Variants in LCP1 observed in about 807,000 individuals in gnomAD.
LCP1 encodes lymphocyte cytosolic protein 1, also known as plastin-2.
Under a neutral mutation model 72.0 loss-of-function variants are expected in LCP1, and 23 were observed. That is an observed-to-expected ratio of 0.32 (90% confidence interval 0.23 to 0.45). LCP1 has a LOEUF of 0.45. Ranked by LOEUF, LCP1 falls within the 20% of genes least tolerant of loss-of-function variation. The pLI is 1.00. For missense variants in LCP1, 571 were observed against 748.3 expected, an observed-to-expected ratio of 0.76 and a Z score of 2.76; for synonymous variants, 245 against 275.4, an observed-to-expected ratio of 0.89 and a Z score of 1.09.
chr13:46,132,827 T>C (rs1267587150), intron 14 of LCP1, among the ~76,000 whole-genome samples: 1 of 152,170 alleles, frequency 6.6e-6, no homozygotes. Flanking sequence ...GCCCTGACAA[T>C]ATCTTCTGCT....
At chr13:46,176,404 T>C (rs1008966488) in intron 1 of LCP1, among the ~76,000 whole-genome samples, 3 of 152,236 alleles carry the variant, frequency 2.0e-5, no homozygotes, top group Non-Finnish European at 4.4e-5. Flanking sequence ...CACACATCTA[T>C]TATAATCTCA....
chr13:46,154,919 G>A (rs2045791409), intron 5 of LCP1, 33 bp from the exon 6 acceptor site: 1 of 1,547,910 alleles, frequency 6.5e-7, no homozygotes, highest in East Asian at 2.2e-5. Context: ...AAAGAAAGCA[G>A]TCTTCTGAAT....
chr13:46,138,300 A>G (rs975533354), intron 13 of LCP1, among the ~76,000 whole-genome samples: 6 of 152,250 alleles, frequency 3.9e-5, no homozygotes, highest in African/African-American at 1.4e-4. Context: ...AATAAATTCC[A>G]GCTAGAACCA....
rs1365313028 is a variant in LCP1, at chr13:46,129,164, T to C, written c.1752-1441A>G. ...AAAATCACACACAATCTTGCCACCA[T>C]GACATAACCATTCTTCGCATTTTGT... On this transcript the variant is annotated intron_variant, in intron 15 of 15. Coordinates refer to ENST00000323076, the MANE Select transcript of LCP1 (RefSeq NM_002298.5). Among the ~76,000 whole-genome samples the C allele has an allele frequency of 3.9e-5, 6 of 152,214 alleles. No homozygotes were observed. The East Asian group carries it at 1.2e-3, about 29-fold the overall frequency.
chr13:46,135,468 C>T (rs1330592521), intron 13 of LCP1, among the ~76,000 whole-genome samples: 2 of 152,226 alleles, frequency 1.3e-5, no homozygotes, highest in African/African-American at 2.4e-5. Context: ...CTCCTATGGA[C>T]AGTACAGTTC....
At chr13:46,171,919 A>C (rs993269559) in intron 1 of LCP1, among the ~76,000 whole-genome samples, 1 of 152,266 alleles carries the variant, frequency 6.6e-6, no homozygotes, top group Non-Finnish European at 1.5e-5. Context: ...TATTCGCAGA[A>C]TGCGAAACTC....
chr13:46,175,626 A>T (rs1251388463), intron 1 of LCP1, among the ~76,000 whole-genome samples: 1 of 152,136 alleles, frequency 6.6e-6, no homozygotes, highest in Non-Finnish European at 1.5e-5. Context: ...ATGAAGTATC[A>T]CAACTGTCAT....
intron 13 of LCP1, among the ~76,000 whole-genome samples, chr13:46,137,634 T>C (rs143368476): frequency 2.4e-4 from 37 of 152,354 alleles, no homozygotes; most frequent in African/African-American, 8.2e-4. Flanking sequence ...AAAACTAATT[T>C]GGCCTGTGTC....
chr13:46,174,110 A>G (rs1010864581), intron 1 of LCP1, among the ~76,000 whole-genome samples: 2 of 152,252 alleles, frequency 1.3e-5, no homozygotes, highest in Non-Finnish European at 2.9e-5. Flanking sequence ...GACAATGTAC[A>G]GCAGACATTT....
At chr13:46,170,208 C>A (rs1459170494) in intron 1 of LCP1, among the ~76,000 whole-genome samples, 1 of 152,202 alleles carries the variant, frequency 6.6e-6, no homozygotes, top group Non-Finnish European at 1.5e-5. Context: ...GGTACAGACA[C>A]CCAAAACAAG....
In LCP1 at chr13:46,127,706, G is replaced by A; in HGVS notation, c.1769C>T (p.Ala590Val). The A allele has an allele frequency of 6.2e-7, 1 of 1,614,128 alleles. No individual in the cohort carries two copies. The highest frequency in any genetic ancestry group is 1.3e-5 in the African/African-American group (1 of 75,010). Residue 590 changes from alanine (A) to valine (V), a missense_variant, in exon 16 of 16, where the codon GCC becomes GTC. Physicochemically the swap from Ala to Val is moderately conservative, Grantham distance 64. Coordinates refer to ENST00000323076, the MANE Select transcript of LCP1 (RefSeq NM_002298.5). ...LNNAKYAISMARKIGARVYAL... is the reference protein window; with the variant it reads ...LNNAKYAISMVRKIGARVYAL... ...ATACACTCTTGCTCCAATTTTTCGG[G>A]CCATAGAGATGGCATATCTAAAAGG... is the stretch of plus-strand genomic sequence containing the variant.
At chr13:46,154,185 T>C (rs948967040) in intron 6 of LCP1, among the ~76,000 whole-genome samples, 4 of 152,258 alleles carry the variant, frequency 2.6e-5, no homozygotes, top group African/African-American at 9.6e-5. Context: ...CTCAATTTGG[T>C]TACCATTTCC....
chr13:46,181,729 T>C (rs1191219548), intron 1 of LCP1, among the ~76,000 whole-genome samples: 2 of 152,192 alleles, frequency 1.3e-5, no homozygotes, highest in Non-Finnish European at 2.9e-5. Flanking sequence ...ACAATCTAAA[T>C]TATCAATACG....
rs1184938732 is a variant in LCP1 at position 46,148,350 on chromosome 13, A to G, written c.978+2T>C. The G allele has an allele frequency of 6.2e-7, 1 of 1,609,346 alleles. No homozygotes were observed. The highest frequency in any genetic ancestry group is 8.5e-7 in the Non-Finnish European group (1 of 1,176,254). On this transcript the variant is annotated splice_donor_variant, in intron 9 of 15. Transcript: ENST00000323076. LOFTEE classifies it high-confidence loss of function. ...CCAAACACAACTGGGACCTGGCCTT[A>G]CCCGCAGTCCTGACATGTCAATAAC... is the stretch of plus-strand genomic sequence containing the variant.
At chr13:46,149,130 T>C (rs1030698511) in intron 8 of LCP1, among the ~76,000 whole-genome samples, 2 of 152,224 alleles carry the variant, frequency 1.3e-5, no homozygotes, top group Non-Finnish European at 2.9e-5. Context: ...AATTTATTCT[T>C]AGTCAATGAA....
chr13:46,129,542 T>C (rs2045621287), intron 15 of LCP1, among the ~76,000 whole-genome samples: 1 of 152,218 alleles, frequency 6.6e-6, no homozygotes, highest in Non-Finnish European at 1.5e-5. Context: ...TGCCTCATAC[T>C]GTCCCTTCCA....
chr13:46,181,470 T>C (rs893168068), intron 1 of LCP1, among the ~76,000 whole-genome samples: 1 of 152,182 alleles, frequency 6.6e-6, no homozygotes, highest in South Asian at 2.1e-4. Context: ...AACACTACAA[T>C]TAAGCATTAT....
intron 11 of LCP1, 151 bp downstream of exon 11, chr13:46,144,291 C>G: frequency 1.6e-6 from 1 of 610,814 alleles, no homozygotes; most frequent in South Asian, 2.1e-5. Flanking sequence ...AACTGAATAT[C>G]CAACATCTGA....
chr13:46,162,908 C>T (rs1593959903), intron 1 of LCP1, among the ~76,000 whole-genome samples: 1 of 150,416 alleles, frequency 6.6e-6, no homozygotes, highest in East Asian at 2.0e-4. Context: ...CTCCGCCCGG[C>T]AGCCGCCCTG....
Sources: allele counts gnomAD v4.1 joint callset (sites outside exome capture counted in the v4.1 genomes callset), GRCh38; gene constraint gnomAD v4.1.1; transcripts MANE v1.5; gene names NCBI Gene and HGNC (gene_info 2026-07-23, HGNC 2026-07-21).